CADPS: variants seen among roughly 807,000 people sequenced by gnomAD.
CADPS encodes the protein calcium dependent secretion activator.
In CADPS, 57 loss-of-function variants were observed where a neutral mutation model predicts 167.3. The ratio of observed to expected loss-of-function variants is 0.34; its 90% CI spans 0.28 to 0.42. The LOEUF (loss-of-function observed/expected upper bound fraction) is 0.42, where lower values mean the gene tolerates loss of function less well. Among genes scored for constraint, CADPS ranks in the 20% least tolerant of loss-of-function variants. The pLI is 1.00. For missense variants in CADPS, 1,414 were observed against 1,738.1 expected (o/e 0.81, Z 3.32); for synonymous variants, 676 against 635.3 (o/e 1.06, Z -0.96).
At chr3:62,738,722 G>A (rs182574900) in intron 3 of CADPS, among the ~76,000 whole-genome samples, 58 of 152,070 alleles carry the variant, frequency 3.8e-4, no homozygotes, top group East Asian at 1.2e-3. Flanking sequence ...GTGAAACTCC[G>A]TCTCAAAAAA....
rs55956118 is a variant in CADPS at position 62,629,757 on chromosome 3, G to GT, written c.1325+15964dup. 7.3e-4 allele frequency among the ~76,000 whole-genome samples: 107 copies of GT among 145,666 alleles called. 1 individual carries two copies. The highest frequency in any genetic ancestry group is 1.1e-3 in the South Asian group (5 of 4,524). Reference sequence around the variant, plus strand: ...CCTCTTGCTCACAGACTCTGGTACAGTTTTTTTTTTGTTTGTTTGTTTGTT... The same window carrying GT: ...CCTCTTGCTCACAGACTCTGGTACAGTTTTTTTTTTTGTTTGTTTGTTTGTT... On this transcript the variant is annotated intron_variant, in intron 6 of 29. Transcript: ENST00000383710.
chr3:62,584,163 C>T (rs541013659), intron 8 of CADPS, among the ~76,000 whole-genome samples: 28 of 152,140 alleles, frequency 1.8e-4, no homozygotes, highest in South Asian at 1.0e-3. Flanking sequence ...CACCACCATG[C>T]CCAGCTAATT....
intron 1 of CADPS, among the ~76,000 whole-genome samples, chr3:62,860,326 C>G (rs983412164): frequency 3.9e-5 from 6 of 152,130 alleles, no homozygotes; most frequent in Non-Finnish European, 8.8e-5. Flanking sequence ...TTACCGTAAA[C>G]CAAAATCTCC....
At chr3:62,620,313 G>A (rs77391341) in intron 6 of CADPS, among the ~76,000 whole-genome samples, 4,876 of 152,112 alleles carry the variant, frequency 0.032, 270 homozygotes, top group African/African-American at 0.11. Context: ...TTTGCTGCAG[G>A]ATCTCATTGA....
chr3:62,764,880 A>AT (rs2086455027), intron 2 of CADPS, among the ~76,000 whole-genome samples: 1 of 152,178 alleles, frequency 6.6e-6, no homozygotes, highest in Non-Finnish European at 1.5e-5. Context: ...ATTTTGTTAC[A>AT]TTTTTCTTAT....
chr3:62,723,480 A>C (rs950569199), intron 3 of CADPS, among the ~76,000 whole-genome samples: 1 of 152,152 alleles, frequency 6.6e-6, no homozygotes, highest in East Asian at 1.9e-4. Context: ...CTGAATATAC[A>C]TGAGCTAGAC....
chr3:62,409,696 C>T (rs1328025122), intron 28 of CADPS, among the ~76,000 whole-genome samples: 1 of 152,158 alleles, frequency 6.6e-6, no homozygotes, highest in Non-Finnish European at 1.5e-5. Flanking sequence ...AGAAAAGTTT[C>T]CTTCATCACA....
rs546963413 is a variant in CADPS, at chr3:62,807,500, A to G, written c.442-41516T>C. On this transcript the variant is annotated intron_variant, in intron 1 of 29. Transcript: ENST00000383710. The stretch of plus-strand genomic sequence containing the variant: ...TGGTCTCACACTCAGGAGTTCAAGT[A>G]CTTCACCTGCCTCGGCCTCCCAAAG... Among the ~76,000 whole-genome samples, 5 of 152,010 alleles carry G rather than the reference A, an allele frequency of 3.3e-5. No individual in the cohort carries two copies. In the East Asian group the frequency reaches 9.7e-4, roughly 30 times the overall value.
intron 6 of CADPS, among the ~76,000 whole-genome samples, chr3:62,610,112 GA>G (rs756654681): frequency 2.0e-5 from 3 of 148,824 alleles, no homozygotes; most frequent in Non-Finnish European, 4.5e-5. Flanking sequence ...AAACACACCA[GA>G]AAAAAAAACA....
chr3:62,503,439 A>C (rs2066105829), intron 17 of CADPS, among the ~76,000 whole-genome samples: 2 of 152,234 alleles, frequency 1.3e-5, no homozygotes, highest in South Asian at 4.1e-4. Flanking sequence ...GTAAAGCTCA[A>C]GATGCCTACA....
At chr3:62,569,648 T>C (rs115562593) in intron 9 of CADPS, among the ~76,000 whole-genome samples, 2,082 of 152,282 alleles carry the variant, frequency 0.014, 34 homozygotes, top group Non-Finnish European at 0.019. Flanking sequence ...GGGAGTTGCT[T>C]TGTAGTCAGG....
At chr3:62,531,595 A>T (rs1036449299) in intron 13 of CADPS, among the ~76,000 whole-genome samples, 2 of 152,198 alleles carry the variant, frequency 1.3e-5, no homozygotes, top group Admixed American at 6.5e-5. Context: ...CACAGTTCTG[A>T]TTTAAAATAA....
intron 6 of CADPS, among the ~76,000 whole-genome samples, chr3:62,597,842 A>G (rs1380879316): frequency 1.3e-5 from 2 of 152,142 alleles, no homozygotes; most frequent in Non-Finnish European, 2.9e-5. Flanking sequence ...CAGTTTAACT[A>G]TTTAACTATC....
Position 62,458,417 on chromosome 3 carries a change from A to G in CADPS, c.3636+6950T>C, listed in dbSNP as rs1370130816. On this transcript the variant is annotated intron_variant, in intron 26 of 29. Coordinates refer to ENST00000383710, the MANE Select transcript of CADPS (RefSeq NM_003716.4). This position sits in a 1 kb window ranked among gnomAD's most constrained non-coding sequence, Gnocchi z 4.6. Reference sequence around the variant, plus strand: ...CACTGCATGTGATTTGGAGGTCAGGATAGAATCTATAATTAATTTCATGAC... The same window carrying G: ...CACTGCATGTGATTTGGAGGTCAGGGTAGAATCTATAATTAATTTCATGAC... Among the ~76,000 whole-genome samples the G allele has an allele frequency of 6.6e-6, 1 of 152,166 alleles. No homozygotes were observed. Among genetic ancestry groups the G allele is most frequent in the Non-Finnish European group, 1.5e-5 (1 of 68,024 alleles).
intron 3 of CADPS, among the ~76,000 whole-genome samples, chr3:62,704,800 C>T (rs949728032): frequency 1.3e-5 from 2 of 152,136 alleles, no homozygotes; most frequent in Non-Finnish European, 2.9e-5. Context: ...ATAATTTCTG[C>T]TTTTTCAGAA....
chr3:62,633,883 AT>A (rs11360597), intron 6 of CADPS, among the ~76,000 whole-genome samples: 3,183 of 152,300 alleles, frequency 0.021, 95 homozygotes, highest in African/African-American at 0.071. Context: ...CACTTCAGTT[AT>A]TTTTACAATG....
Position 62,496,414 on chromosome 3 carries a change from C to A in CADPS, c.2706+2748G>T, listed in dbSNP as rs189652302. 3.8e-3 allele frequency among the ~76,000 whole-genome samples: 574 copies of A among 152,274 alleles called. 4 individuals carry two copies. Among genetic ancestry groups the A allele is most frequent in the African/African-American group, 0.013 (541 of 41,560 alleles). The stretch of plus-strand genomic sequence containing the variant: ...AGAACAGGTGGTAGTGCCTTTCTGG[C>A]CCACTGTACCTTGAAATGAATCTGC... On this transcript the variant is annotated intron_variant, in intron 18 of 29. Coordinates refer to ENST00000383710, the MANE Select transcript of CADPS (RefSeq NM_003716.4).
At position 62,576,788 on chromosome 3, in the gene CADPS, T is replaced by TTAAAAAAA. The variant is rs1553936618; in HGVS notation, c.1578-5851_1578-5850insTTTTTTTA. On this transcript the variant is annotated intron_variant, in intron 8 of 29. Transcript: ENST00000383710. The stretch of plus-strand genomic sequence containing the variant: ...CTGGGTGACAGAGCAAGACTCTGTC[T>TTAAAAAAA]AAAAAAAAAAAAAAAAAAAAAAAAA... Among the ~76,000 whole-genome samples, 10 of 29,876 alleles carry TTAAAAAAA rather than the reference T, an allele frequency of 3.3e-4. 4 individuals are homozygous for TTAAAAAAA. Among genetic ancestry groups the TTAAAAAAA allele is most frequent in the Admixed American group, 1.7e-3 (3 of 1,768 alleles). The allele number at this position is 29,876 out of a possible 152,430, so 19.6% of individuals were successfully genotyped here. A position where few individuals can be genotyped will look rare whatever the true frequency, so the allele number is the denominator to read the frequency against.
At chr3:62,781,658 C>T (rs1170484412) in intron 1 of CADPS, among the ~76,000 whole-genome samples, 2 of 152,096 alleles carry the variant, frequency 1.3e-5, no homozygotes, top group African/African-American at 4.8e-5. Context: ...ATCCTGGGAG[C>T]GAGAACACAC....
Sources: allele counts gnomAD v4.1 joint callset (sites outside exome capture counted in the v4.1 genomes callset), GRCh38; gene constraint gnomAD v4.1.1; non-coding constraint Gnocchi (gnomAD v3.1); transcripts MANE v1.5; gene names NCBI Gene and HGNC (gene_info 2026-07-23, HGNC 2026-07-21).